OCA2: variants seen among roughly 807,000 people sequenced by gnomAD.
OCA2 encodes P protein.
OCA2 carries 77 observed loss-of-function variants against 100.2 expected under a neutral mutation model. That is an observed-to-expected ratio of 0.77 (90% CI 0.64 to 0.93). The LOEUF (loss-of-function observed/expected upper bound fraction) is 0.93. Ranked by LOEUF, OCA2 falls within the 40% of genes least tolerant of loss-of-function variation. The pLI, the probability that OCA2 is intolerant of heterozygous loss-of-function variation, is 0.00. For synonymous variants in OCA2, 432 were observed against 439.2 expected, an observed-to-expected ratio of 0.98 and a Z score of 0.21; for missense variants, 1,062 against 1,089.1, an observed-to-expected ratio of 0.98 and a Z score of 0.35.
At chr15:27,816,743 C>T (rs1338514724) in intron 23 of OCA2, among the ~76,000 whole-genome samples, 1 of 152,116 alleles carries the variant, frequency 6.6e-6, no homozygotes, top group Admixed American at 6.5e-5. Flanking sequence ...TAAATATTCC[C>T]CGTAATCAGA....
At chr15:27,913,892 A>AAAGAAAGAAAGCAAGC (rs2038538889) in intron 19 of OCA2, among the ~76,000 whole-genome samples, 4 of 37,424 alleles carry the variant, frequency 1.1e-4, no homozygotes, top group African/African-American at 5.7e-4. Flanking sequence ...AGAAAGAAAG[A>AAAGAAAGAAAGCAAGC]AAGCAAGCAA....
intron 23 of OCA2, among the ~76,000 whole-genome samples, chr15:27,765,207 C>T (rs374866565): frequency 1.1e-3 from 162 of 152,248 alleles, no homozygotes; most frequent in African/African-American, 3.5e-3. Flanking sequence ...TCAGGTTCAA[C>T]ATCAAAAGCT....
intron 15 of OCA2, among the ~76,000 whole-genome samples, chr15:27,962,558 G>A (rs532581726): frequency 1.3e-5 from 2 of 152,240 alleles, no homozygotes; most frequent in South Asian, 4.1e-4. Flanking sequence ...AGAGAGAAAT[G>A]GAACTATACT....
At chr15:27,915,449 G>T (rs1180120753) in intron 19 of OCA2, among the ~76,000 whole-genome samples, 1 of 152,106 alleles carries the variant, frequency 6.6e-6, no homozygotes, top group Non-Finnish European at 1.5e-5. Flanking sequence ...GAAAATTTTT[G>T]CACACTATGT....
chr15:27,918,942 G>C (rs923185137), intron 19 of OCA2, among the ~76,000 whole-genome samples: 1 of 152,148 alleles, frequency 6.6e-6, no homozygotes, highest in Non-Finnish European at 1.5e-5. Flanking sequence ...AATTGCCTAG[G>C]TTAGTACAGA....
intron 1 of OCA2, among the ~76,000 whole-genome samples, chr15:28,089,922 C>A (rs181918465): frequency 6.6e-6 from 1 of 152,110 alleles, no homozygotes; most frequent in African/African-American, 2.4e-5. Context: ...ACAACCTGCA[C>A]ATGTAGCCCC....
intron 23 of OCA2, among the ~76,000 whole-genome samples, chr15:27,768,919 A>C (rs972239693): frequency 6.6e-6 from 1 of 152,204 alleles, no homozygotes; most frequent in Non-Finnish European, 1.5e-5. Context: ...GCTTGATTGG[A>C]GCTTCAATGC....
chr15:27,770,363 G>A (rs990377363), intron 23 of OCA2, among the ~76,000 whole-genome samples: 4 of 152,178 alleles, frequency 2.6e-5, no homozygotes, highest in Admixed American at 6.5e-5. Context: ...CAGTGCGCCC[G>A]GTTTCTCAGA....
At chr15:27,817,323 T>C (rs566393595) in intron 23 of OCA2, among the ~76,000 whole-genome samples, 18 of 152,294 alleles carry the variant, frequency 1.2e-4, no homozygotes, top group African/African-American at 4.1e-4. Flanking sequence ...TCTGACCTGC[T>C]TCCTCAGAGC....
At chr15:27,779,762 A>G (rs1419362525) in intron 23 of OCA2, among the ~76,000 whole-genome samples, 1 of 152,204 alleles carries the variant, frequency 6.6e-6, no homozygotes, top group Non-Finnish European at 1.5e-5. Flanking sequence ...ATTTACATTT[A>G]AAGTAATTAC....
intron 9 of OCA2, among the ~76,000 whole-genome samples, chr15:28,004,292 G>A (rs1472584543): frequency 2.6e-5 from 4 of 152,202 alleles, no homozygotes; most frequent in Non-Finnish European, 4.4e-5. Context: ...TGTGGCAGCT[G>A]TCCCCGTGGT....
At chr15:27,936,315 G>C (rs991890639) in intron 18 of OCA2, among the ~76,000 whole-genome samples, 1 of 152,146 alleles carries the variant, frequency 6.6e-6, no homozygotes. Flanking sequence ...AGAAGGAGCC[G>C]AGTGACCAGG....
chr15:27,754,230 G>C (rs35984216), downstream of OCA2, among the ~76,000 whole-genome samples: 2,938 of 152,306 alleles, frequency 0.019, 41 homozygotes, highest in Non-Finnish European at 0.029. Context: ...CAACCTTTCA[G>C]GGAAGAACTG....
intron 2 of OCA2, among the ~76,000 whole-genome samples, chr15:28,054,614 A>G (rs1027565346): frequency 6.6e-6 from 1 of 152,176 alleles, no homozygotes; most frequent in Non-Finnish European, 1.5e-5. Context: ...CCAAAATTAC[A>G]TAAGGATTTC....
At chr15:27,883,265 G>A (rs973538093) in intron 19 of OCA2, among the ~76,000 whole-genome samples, 1 of 152,030 alleles carries the variant, frequency 6.6e-6, no homozygotes, top group African/African-American at 2.4e-5. Context: ...ACCCCGAGAG[G>A]GTCCCTTCTC....
chr15:27,943,053 C>T (rs751403951), intron 18 of OCA2, among the ~76,000 whole-genome samples: 9 of 152,078 alleles, frequency 5.9e-5, no homozygotes, highest in Admixed American at 5.9e-4. Context: ...TATGCCAAAG[C>T]CTTTCCAGTA....
intron 16 of OCA2, 130 bp from the exon 17 acceptor site, chr15:27,955,345 A>G: frequency 1.3e-6 from 1 of 755,382 alleles, no homozygotes; most frequent in Non-Finnish European, 2.4e-6. Flanking sequence ...AGGACTAGTC[A>G]TGGGGGGCCG....
intron 19 of OCA2, among the ~76,000 whole-genome samples, chr15:27,887,160 C>G (rs2151575172): frequency 6.6e-6 from 1 of 152,286 alleles, no homozygotes; most frequent in African/African-American, 2.4e-5. Context: ...TGAGGCCTCC[C>G]CAGCCATGTT....
intron 18 of OCA2, among the ~76,000 whole-genome samples, chr15:27,934,709 T>C (rs1440340348): frequency 6.6e-6 from 1 of 152,216 alleles, no homozygotes; most frequent in Non-Finnish European, 1.5e-5. Context: ...TGCTTTCTCT[T>C]ATCAATTGTG....
Sources: allele counts gnomAD v4.1 joint callset (sites outside exome capture counted in the v4.1 genomes callset), GRCh38; gene constraint gnomAD v4.1.1; transcripts MANE v1.5; gene names NCBI Gene and HGNC (gene_info 2026-07-23, HGNC 2026-07-21).